The following ERC1 variants were observed in gnomAD, a reference collection of about 807,000 sequenced individuals.
The protein encoded by ERC1 is ELKS/RAB6-interacting/CAST family member 1.
In ERC1, 56 loss-of-function variants were observed where a neutral mutation model predicts 132.0. The observed-to-expected ratio is 0.42, with a 90% CI of 0.34 to 0.53. The LOEUF (loss-of-function observed/expected upper bound fraction) is 0.53. ERC1 is among the 20% of genes least tolerant of loss of function. The pLI is 0.03. For synonymous variants in ERC1, 478 were observed against 476.1 expected, an observed-to-expected ratio of 1.00 and a Z score of -0.05; for missense variants, 1,202 against 1,349.9, an observed-to-expected ratio of 0.89 and a Z score of 1.72.
rs1945067864 is a variant in ERC1 at position 1,104,777 on chromosome 12, C to T, written c.1114C>T (p.Pro372Ser). 4 of 1,613,210 alleles carry T rather than the reference C, an allele frequency of 2.5e-6. No individual in the cohort carries two copies. In the South Asian group the frequency reaches 3.3e-5, roughly 13 times the overall value. Residue 372 changes from proline (P) to serine (S), a missense_variant, in exon 4 of 19, where the codon CCT (proline) becomes TCT (serine). Transcript: ENST00000360905. ...EEMHRRFENA[P>S]DSAKTKALQT... ...GATGCATCGAAGGTTTGAGAATGCTCCTGATTCTGCCAAAACAAAAGCTCT... is the reference window on the plus strand; with the variant it reads ...GATGCATCGAAGGTTTGAGAATGCTTCTGATTCTGCCAAAACAAAAGCTCT...
intron 13 of ERC1, among the ~76,000 whole-genome samples, chr12:1,249,690 T>G (rs2076357230): frequency 6.6e-6 from 1 of 152,164 alleles, no homozygotes; most frequent in African/African-American, 2.4e-5. Flanking sequence ...GGTCTCTTAG[T>G]CTATTTGGGC....
At position 1,203,665 on chromosome 12, in the gene ERC1, G is replaced by A. The variant is rs546002972; in HGVS notation, c.2351+13613G>A. On this transcript the variant is annotated intron_variant, in intron 12 of 18. Coordinates refer to ENST00000360905, the MANE Select transcript of ERC1 (RefSeq NM_178040.4). ...GAAGCTAATCCAGATGATACTGGTCGTTAGAAGCCCTAACTATTTGGAGGA... is the reference window on the plus strand; with the variant it reads ...GAAGCTAATCCAGATGATACTGGTCATTAGAAGCCCTAACTATTTGGAGGA... Among the ~76,000 whole-genome samples, 11 of 152,316 alleles carry A rather than the reference G, an allele frequency of 7.2e-5. 1 individual carries two copies. Among genetic ancestry groups the A allele is most frequent in the South Asian group, 6.2e-4 (3 of 4,828 alleles).
intron 12 of ERC1, chr12:1,204,546 G>C (rs1957189640): frequency 1.3e-6 from 2 of 1,576,872 alleles, no homozygotes; most frequent in Non-Finnish European, 1.7e-6. Flanking sequence ...AAGATGATGT[G>C]ATTGAGCGTT....
intron 8 of ERC1, among the ~76,000 whole-genome samples, chr12:1,144,150 G>C (rs1372174688): frequency 3.9e-5 from 6 of 152,104 alleles, no homozygotes; most frequent in African/African-American, 1.4e-4. Context: ...AATGCTTTTA[G>C]CTCTCTCCCA....
intron 2 of ERC1, among the ~76,000 whole-genome samples, chr12:1,052,141 A>G (rs1972131263): frequency 6.6e-6 from 1 of 152,222 alleles, no homozygotes; most frequent in Non-Finnish European, 1.5e-5. Context: ...GCTGGGACTC[A>G]TCCTCAGAAT....
intron 12 of ERC1, among the ~76,000 whole-genome samples, chr12:1,219,895 A>G (rs1447672599): frequency 6.6e-6 from 1 of 152,086 alleles, no homozygotes; most frequent in Non-Finnish European, 1.5e-5. Context: ...ACTCTTAGAC[A>G]TTGTCACCCC....
intron 8 of ERC1, among the ~76,000 whole-genome samples, chr12:1,154,778 T>C (rs1361466732): frequency 1.3e-5 from 2 of 151,908 alleles, no homozygotes; most frequent in African/African-American, 4.8e-5. Context: ...AAAGAAGATA[T>C]ACAAATGCCC....
At chr12:1,114,690 A>G (rs1014638878) in intron 6 of ERC1, among the ~76,000 whole-genome samples, 7 of 152,154 alleles carry the variant, frequency 4.6e-5, no homozygotes, top group Non-Finnish European at 4.4e-5. Flanking sequence ...ATTTTGCAGG[A>G]TGAATATAGC....
chr12:1,227,097 A>G (rs944434428), intron 12 of ERC1, among the ~76,000 whole-genome samples: 51 of 152,216 alleles, frequency 3.4e-4, no homozygotes, highest in Non-Finnish European at 1.9e-4. Context: ...CTAATACTGC[A>G]GTGATATGGG....
intron 15 of ERC1, among the ~76,000 whole-genome samples, chr12:1,353,462 C>A (rs1014180213): frequency 6.6e-6 from 1 of 152,180 alleles, no homozygotes; most frequent in African/African-American, 2.4e-5. Context: ...ACAGCTCTTT[C>A]AGTCTTAATA....
At position 1,051,112 on chromosome 12, in the gene ERC1, T is replaced by C. The variant is rs572417700; in HGVS notation, c.669+22540T>C. ...TTTTGTCATCATACTTGGAGAAATA[T>C]TGAACTAGAGACAAAAAGTTTCACT... On this transcript the variant is annotated intron_variant, in intron 2 of 18. Transcript: ENST00000360905. 1.8e-3 allele frequency among the ~76,000 whole-genome samples: 268 copies of C among 152,284 alleles called. 3 individuals carry two copies. Among genetic ancestry groups the C allele is most frequent in the African/African-American group, 5.5e-3 (229 of 41,546 alleles).
At chr12:994,327 T>G (rs184635575) in intron 1 of ERC1, among the ~76,000 whole-genome samples, 1 of 152,324 alleles carries the variant, frequency 6.6e-6, no homozygotes, top group East Asian at 1.9e-4. Context: ...ATTTGTTTTT[T>G]TTTCTTATTT....
intron 15 of ERC1, among the ~76,000 whole-genome samples, chr12:1,331,163 A>G (rs1397270468): frequency 6.6e-6 from 1 of 152,220 alleles, no homozygotes; most frequent in Non-Finnish European, 1.5e-5. Flanking sequence ...GCTTCCCTCC[A>G]GTGAGTAACA....
At chr12:1,226,450 C>T (rs1344668912) in intron 12 of ERC1, among the ~76,000 whole-genome samples, 1 of 152,184 alleles carries the variant, frequency 6.6e-6, no homozygotes, top group African/African-American at 2.4e-5. Flanking sequence ...AAGATCTGCT[C>T]TTAGCAAATT....
intron 15 of ERC1, among the ~76,000 whole-genome samples, chr12:1,295,710 G>T (rs1214116392): frequency 6.6e-6 from 1 of 151,570 alleles, no homozygotes; most frequent in Non-Finnish European, 1.5e-5. Flanking sequence ...GACCAAATTT[G>T]GACAATGAGT....
At chr12:1,138,079 A>C (rs1383512822) in intron 7 of ERC1, among the ~76,000 whole-genome samples, 3 of 127,758 alleles carry the variant, frequency 2.3e-5, no homozygotes, top group Non-Finnish European at 4.7e-5. Flanking sequence ...GTTTTATATT[A>C]TATATAATAT....
chr12:1,038,146 A>G (rs1969463345), intron 2 of ERC1, among the ~76,000 whole-genome samples: 1 of 152,158 alleles, frequency 6.6e-6, no homozygotes, highest in African/African-American at 2.4e-5. Context: ...CTGGGAGGTC[A>G]GATTGCCTTC....
chr12:1,102,752 T>C (rs778926116), intron 3 of ERC1, among the ~76,000 whole-genome samples: 1 of 152,122 alleles, frequency 6.6e-6, no homozygotes, highest in Non-Finnish European at 1.5e-5. Flanking sequence ...AATCATAAAA[T>C]ATGTTAGAGG....
intron 13 of ERC1, among the ~76,000 whole-genome samples, chr12:1,249,881 G>A (rs1289278506): frequency 1.3e-5 from 2 of 152,196 alleles, no homozygotes; most frequent in Non-Finnish European, 2.9e-5. Context: ...AAGGGGCAAG[G>A]CAGCTCTCTG....
Sources: gnomAD v4.1 joint callset for allele counts (sites outside exome capture counted in the v4.1 genomes callset) on GRCh38, gnomAD v4.1.1 for gene constraint, MANE v1.5 for transcripts, NCBI Gene and HGNC (gene_info 2026-07-23, HGNC 2026-07-21) for gene names.